Variants in ALK observed in about 807,000 individuals in gnomAD.
ALK encodes the protein ALK receptor tyrosine kinase.
ALK carries 74 observed loss-of-function variants against 163.1 expected under a neutral mutation model. The ratio of observed to expected loss-of-function variants is 0.45; its 90% CI spans 0.38 to 0.55. ALK has a LOEUF of 0.55. Among genes scored for constraint, ALK ranks in the 20% least tolerant of loss-of-function variants. ALK has a pLI of 0.00. For missense variants in ALK, 2,063 were observed against 2,105.3 expected, an observed-to-expected ratio of 0.98 and a Z score of 0.39; for synonymous variants, 960 against 843.2, an observed-to-expected ratio of 1.14 and a Z score of -2.40.
chr2:29,881,836 T>C (rs1666876087), intron 1 of ALK, among the ~76,000 whole-genome samples: 1 of 152,194 alleles, frequency 6.6e-6, no homozygotes, highest in South Asian at 2.1e-4. Flanking sequence ...TCATTACCTG[T>C]ACTCCCCCAT....
At chr2:29,517,464 A>G (rs967091222) in intron 4 of ALK, among the ~76,000 whole-genome samples, 35 of 152,126 alleles carry the variant, frequency 2.3e-4, no homozygotes, top group Non-Finnish European at 5.9e-5. Flanking sequence ...CATTTAACCA[A>G]TCCTCTATGA....
chr2:29,225,317 C>T (rs2148175917), intron 19 of ALK, 144 bp downstream of exon 19: 2 of 766,330 alleles, frequency 2.6e-6, no homozygotes, highest in Non-Finnish European at 4.3e-6. Flanking sequence ...TTTGGCTTGG[C>T]CTGGGCTGCC....
In ALK at chr2:29,366,382, G is replaced by A. The variant is rs79933177; in HGVS notation, c.1282+17350C>T. 5.8e-3 allele frequency among the ~76,000 whole-genome samples: 888 copies of A among 152,250 alleles called. 6 individuals are homozygous for A. The highest frequency in any genetic ancestry group is 0.021 in the African/African-American group (861 of 41,536). ...GTGTGCCCCAAGTTAGCACTGGACC[G>A]CTTTGGTAGTCAGGGGAGTTGAGGA... On this transcript the variant is annotated intron_variant, in intron 5 of 28. Coordinates refer to ENST00000389048, the MANE Select transcript of ALK (RefSeq NM_004304.5).
chr2:29,750,001 C>T (rs183505002), intron 1 of ALK, among the ~76,000 whole-genome samples: 1 of 152,288 alleles, frequency 6.6e-6, no homozygotes, highest in Admixed American at 6.5e-5. Context: ...ATGAGGGCTC[C>T]CTGCCAGGAA....
chr2:29,757,593 T>TTGTGTGTG (rs35768373), intron 1 of ALK, among the ~76,000 whole-genome samples: 27 of 148,326 alleles, frequency 1.8e-4, no homozygotes, highest in East Asian at 5.9e-4. Context: ...TTTTGTTTGT[T>TTGTGTGTG]TGTGTGTGTG....
intron 4 of ALK, among the ~76,000 whole-genome samples, chr2:29,385,012 G>A (rs923771759): frequency 5.3e-5 from 8 of 151,890 alleles, no homozygotes; most frequent in Non-Finnish European, 1.2e-4. Flanking sequence ...GATCGCCACT[G>A]CATTCCAGCC....
intron 4 of ALK, among the ~76,000 whole-genome samples, chr2:29,411,503 G>A (rs950013262): frequency 3.9e-5 from 6 of 152,156 alleles, no homozygotes; most frequent in African/African-American, 1.4e-4. Flanking sequence ...AAGAGATGGG[G>A]GTCTTGCTAT....
chr2:29,408,866 G>A (rs59494398), intron 4 of ALK, among the ~76,000 whole-genome samples: 62,151 of 152,010 alleles, frequency 0.41, 13,003 homozygotes, highest in Non-Finnish European at 0.45. Context: ...GAATGCTCAG[G>A]TAGAAAACCA....
At chr2:29,671,539 C>A (rs1677688920) in intron 3 of ALK, among the ~76,000 whole-genome samples, 1 of 152,050 alleles carries the variant, frequency 6.6e-6, no homozygotes, top group Non-Finnish European at 1.5e-5. Flanking sequence ...GCCAAAGAGA[C>A]CCTAAGAAGG....
At chr2:29,824,332 G>A (rs1270462325) in intron 1 of ALK, among the ~76,000 whole-genome samples, 2 of 152,230 alleles carry the variant, frequency 1.3e-5, no homozygotes, top group Non-Finnish European at 2.9e-5. Context: ...CCCCCACACA[G>A]AATCCCTACT....
At chr2:29,634,423 T>C (rs1021443030) in intron 3 of ALK, among the ~76,000 whole-genome samples, 2 of 152,082 alleles carry the variant, frequency 1.3e-5, no homozygotes, top group Admixed American at 1.3e-4. Context: ...AAGAATTATA[T>C]ACCATGATTA....
rs1163337673 is a variant in ALK, at chr2:29,458,018, TG to T, written c.1154+73896del. Reference sequence around the variant, plus strand: ...AATAGCCTTTGTGAAAGCTTACCGGTGTGCTTAGCTTATAGGAAAAAAAGAC... The same window carrying T: ...AATAGCCTTTGTGAAAGCTTACCGGTTGCTTAGCTTATAGGAAAAAAAGAC... On this transcript the variant is annotated intron_variant, in intron 4 of 28. Transcript: ENST00000389048. 5.3e-5 allele frequency among the ~76,000 whole-genome samples: 8 copies of T among 152,096 alleles called. No individual in the cohort carries two copies. The South Asian group carries it at 8.3e-4, about 16-fold the overall frequency.
chr2:29,494,121 A>G (rs1009065202), intron 4 of ALK, among the ~76,000 whole-genome samples: 5 of 152,204 alleles, frequency 3.3e-5, no homozygotes, highest in Admixed American at 3.3e-4. Flanking sequence ...TGTGGCTTAG[A>G]TCCACCAATG....
At chr2:29,795,221 A>C (rs1228178218) in intron 1 of ALK, among the ~76,000 whole-genome samples, 1 of 152,094 alleles carries the variant, frequency 6.6e-6, no homozygotes, top group African/African-American at 2.4e-5. Context: ...ACAAATATGA[A>C]AAGTTGTTCA....
chr2:29,918,838 A>G (rs1351795381), intron 1 of ALK, among the ~76,000 whole-genome samples: 1 of 152,210 alleles, frequency 6.6e-6, no homozygotes, highest in Non-Finnish European at 1.5e-5. Flanking sequence ...ATTTCTGATG[A>G]TGAGAATGAT....
intron 1 of ALK, among the ~76,000 whole-genome samples, chr2:29,911,082 G>T (rs574863180): frequency 2.6e-5 from 4 of 152,210 alleles, no homozygotes; most frequent in Non-Finnish European, 5.9e-5. Flanking sequence ...CAATTCATAT[G>T]AAGGCAAGTC....
In ALK at chr2:29,326,796, C is replaced by G. The variant is rs932315541; in HGVS notation, c.1414+1554G>C. 3.9e-5 allele frequency among the ~76,000 whole-genome samples: 6 copies of G among 152,306 alleles called. No individual in the cohort carries two copies. The East Asian group carries it at 9.6e-4, about 24-fold the overall frequency. Reference sequence around the variant, plus strand: ...AGAATAAATGAAACCTTCTCCACCCCCCACAAAGGGTCCAGATGACTGGGG... The same window carrying G: ...AGAATAAATGAAACCTTCTCCACCCGCCACAAAGGGTCCAGATGACTGGGG... On this transcript the variant is annotated intron_variant, in intron 6 of 28. Coordinates refer to ENST00000389048, the MANE Select transcript of ALK (RefSeq NM_004304.5).
At chr2:29,301,958 T>C (rs138979292) in intron 8 of ALK, among the ~76,000 whole-genome samples, 195 of 152,346 alleles carry the variant, frequency 1.3e-3, no homozygotes, top group Non-Finnish European at 2.1e-3. Context: ...GTTACTGCAC[T>C]CCTACTCTTT....
chr2:29,571,602 C>CTTTTTTTTTTTTTTTTTTTTTTTTTTTT lies in ALK; in HGVS notation c.953-39514_953-39487dup, dbSNP rs60429543. ...TAAATTACCTAGTCTTGGCTCATAT[C>CTTTTTTTTTTTTTTTTTTTTTTTTTTTT]TTTTTTTTTTTTTTTTTTTTTTTTT... On this transcript the variant is annotated intron_variant, in intron 3 of 28. Coordinates refer to ENST00000389048, the MANE Select transcript of ALK (RefSeq NM_004304.5). Among the ~76,000 whole-genome samples, 3 of 68,530 alleles carry CTTTTTTTTTTTTTTTTTTTTTTTTTTTT rather than the reference C, an allele frequency of 4.4e-5. 1 individual carries two copies. Among genetic ancestry groups the CTTTTTTTTTTTTTTTTTTTTTTTTTTTT allele is most frequent in the Admixed American group, 1.7e-4 (1 of 5,972 alleles). The allele number at this position is 68,530 out of a possible 152,430, so 45.0% of individuals were successfully genotyped here.
Sources: allele counts gnomAD v4.1 joint callset (sites outside exome capture counted in the v4.1 genomes callset), GRCh38; gene constraint gnomAD v4.1.1; transcripts MANE v1.5; gene names NCBI Gene and HGNC (gene_info 2026-07-23, HGNC 2026-07-21).